Variants in PPM1H observed in about 807,000 individuals in gnomAD.
The protein encoded by PPM1H is protein phosphatase 1H.
Under a neutral mutation model 54.9 loss-of-function variants are expected in PPM1H, and 27 were observed. The ratio of observed to expected loss-of-function variants is 0.49; its 90% CI spans 0.36 to 0.68. The LOEUF is 0.68. Among genes scored for constraint, PPM1H ranks in the 30% least tolerant of loss-of-function variants. The probability of loss-of-function intolerance (pLI) is 0.00; values close to 1 mark genes in which losing one functional copy is unlikely to be tolerated. For missense variants in PPM1H, 596 were observed against 667.8 expected, an observed-to-expected ratio of 0.89 and a Z score of 1.19; for synonymous variants, 305 against 270.8, an observed-to-expected ratio of 1.13 and a Z score of -1.24.
At chr12:62,805,759 CT>C (rs1390530499) in intron 2 of PPM1H, among the ~76,000 whole-genome samples, 1 of 152,120 alleles carries the variant, frequency 6.6e-6, no homozygotes, top group Non-Finnish European at 1.5e-5. Flanking sequence ...TGAGTAAGTT[CT>C]GGGGATCGAA....
chr12:62,900,964 T>G (rs895843188), intron 1 of PPM1H, among the ~76,000 whole-genome samples: 4 of 152,170 alleles, frequency 2.6e-5, no homozygotes, highest in Non-Finnish European at 4.4e-5. Context: ...ACATCTGAGA[T>G]CTCACCCTCT....
chr12:62,910,878 C>T (rs1221249851), intron 1 of PPM1H, among the ~76,000 whole-genome samples: 1 of 152,176 alleles, frequency 6.6e-6, no homozygotes, highest in Non-Finnish European at 1.5e-5. Context: ...GTTCAGAATA[C>T]AAAGTACTCA....
At position 62,694,022 on chromosome 12, in the gene PPM1H, T is replaced by A. The variant is rs751210705; in HGVS notation, c.1074-23A>T. 6 of 1,601,740 alleles carry A rather than the reference T, an allele frequency of 3.7e-6. No homozygotes were observed. In the South Asian group the frequency reaches 5.6e-5, roughly 15 times the overall value. ...GCCCTGTAGGGGATAAACAACATTT[T>A]AAAAAAGGTTTGCACTCAATTAGTG... On this transcript the variant is annotated intron_variant, in intron 6 of 9. Transcript: ENST00000228705.
intron 4 of PPM1H, among the ~76,000 whole-genome samples, chr12:62,786,152 TCTTA>T (rs1287788553): frequency 6.6e-6 from 1 of 152,198 alleles, no homozygotes; most frequent in Non-Finnish European, 1.5e-5. Context: ...ATCCACTCGG[TCTTA>T]CTCAATTGGA....
intron 6 of PPM1H, among the ~76,000 whole-genome samples, chr12:62,712,808 A>T (rs1192650305): frequency 6.6e-6 from 1 of 152,156 alleles, no homozygotes; most frequent in African/African-American, 2.4e-5. Flanking sequence ...ATCCGTGGAA[A>T]AGCTAATGAG....
intron 4 of PPM1H, among the ~76,000 whole-genome samples, chr12:62,786,345 G>C (rs947742985): frequency 2.0e-5 from 3 of 152,220 alleles, no homozygotes; most frequent in Non-Finnish European, 4.4e-5. Flanking sequence ...GAGGAAAGGA[G>C]GGGTAGCAGA....
At chr12:62,695,285 A>G (rs1051729428) in intron 6 of PPM1H, among the ~76,000 whole-genome samples, 1 of 152,222 alleles carries the variant, frequency 6.6e-6, no homozygotes, top group Non-Finnish European at 1.5e-5. Context: ...GCTGGAGTTC[A>G]GCAATGCCTT....
At chr12:62,700,639 G>A (rs938700603) in intron 6 of PPM1H, among the ~76,000 whole-genome samples, 2 of 152,118 alleles carry the variant, frequency 1.3e-5, no homozygotes, top group African/African-American at 4.8e-5. Flanking sequence ...TTATTGGGAC[G>A]GATCCATCAG....
At chr12:62,683,684 G>A (rs1362596460) in intron 8 of PPM1H, among the ~76,000 whole-genome samples, 8 of 152,224 alleles carry the variant, frequency 5.3e-5, no homozygotes, top group Non-Finnish European at 8.8e-5. Flanking sequence ...AGCAGGGGCG[G>A]AAAGGGGGCT....
rs562458186 is a variant in PPM1H at position 62,707,946 on chromosome 12, G to A, written c.1073+12225C>T. 3.3e-5 allele frequency among the ~76,000 whole-genome samples: 5 copies of A among 152,300 alleles called. No individual in the cohort carries two copies. The South Asian group carries it at 1.0e-3, about 32-fold the overall frequency. On this transcript the variant is annotated intron_variant, in intron 6 of 9. Transcript: ENST00000228705. ...GACTGACAAGGCTGATCCCATCTCA[G>A]CAGAATCTGAACCTGGAATATGGCA...
At chr12:62,902,508 G>C (rs1270406094) in intron 1 of PPM1H, among the ~76,000 whole-genome samples, 2 of 152,148 alleles carry the variant, frequency 1.3e-5, no homozygotes, top group Non-Finnish European at 2.9e-5. Flanking sequence ...CAAAGCTCTG[G>C]ATCCCAGGAC....
chr12:62,775,676 G>A lies in PPM1H; in HGVS notation c.869+12550C>T, dbSNP rs201492623. ...TTATTATAAGAGTCAAGCAAGAGAG[G>A]AGAGTTCAAGCTCAGACCTCATGGC... On this transcript the variant is annotated intron_variant, in intron 4 of 9. Coordinates refer to ENST00000228705, the MANE Select transcript of PPM1H (RefSeq NM_020700.2). 6.6e-5 allele frequency among the ~76,000 whole-genome samples: 10 copies of A among 152,222 alleles called. No homozygotes were observed. In the East Asian group the frequency reaches 1.3e-3, roughly 21 times the overall value.
intron 8 of PPM1H, among the ~76,000 whole-genome samples, chr12:62,680,331 CTTTCTG>C (rs1331699377): frequency 7.3e-6 from 1 of 136,900 alleles, no homozygotes; most frequent in Admixed American, 8.1e-5. Context: ...CTCTCTCTTT[CTTTCTG>C]TTTCTTTCTT....
At chr12:62,869,634 G>A (rs1376564265) in intron 1 of PPM1H, among the ~76,000 whole-genome samples, 3 of 152,120 alleles carry the variant, frequency 2.0e-5, no homozygotes, top group African/African-American at 7.2e-5. Flanking sequence ...TAAAACAGGA[G>A]CATGACAACA....
chr12:62,807,920 C>T (rs749229251), intron 2 of PPM1H, among the ~76,000 whole-genome samples: 5 of 152,232 alleles, frequency 3.3e-5, no homozygotes, highest in African/African-American at 4.8e-5. Flanking sequence ...TTACTGAAGC[C>T]TCAACCTCCC....
intron 9 of PPM1H, among the ~76,000 whole-genome samples, chr12:62,658,182 A>ATTTTT (rs1173229360): frequency 0.036 from 3,159 of 87,350 alleles, 198 homozygotes; most frequent in Non-Finnish European, 0.054. Context: ...AACACGGTGA[A>ATTTTT]TTTTTTTTTT....
At chr12:62,887,225 G>C (rs775494992) in intron 1 of PPM1H, among the ~76,000 whole-genome samples, 8 of 152,230 alleles carry the variant, frequency 5.3e-5, no homozygotes, top group Non-Finnish European at 7.3e-5. Context: ...GGTAAGAGAA[G>C]TGGTCACAGA....
At chr12:62,718,076 T>A (rs1214010792) in intron 6 of PPM1H, among the ~76,000 whole-genome samples, 2 of 152,208 alleles carry the variant, frequency 1.3e-5, no homozygotes, top group Non-Finnish European at 2.9e-5. Flanking sequence ...AACATTGATC[T>A]CCCCACTTCT....
At chr12:62,683,595 A>G (rs2076035363) in intron 8 of PPM1H, among the ~76,000 whole-genome samples, 1 of 152,220 alleles carries the variant, frequency 6.6e-6, no homozygotes, top group African/African-American at 2.4e-5. Context: ...GAGTTATAAA[A>G]AATACCTGAT....
Sources: allele counts gnomAD v4.1 joint callset (sites outside exome capture counted in the v4.1 genomes callset), GRCh38; gene constraint gnomAD v4.1.1; transcripts MANE v1.5; gene names NCBI Gene and HGNC (gene_info 2026-07-23, HGNC 2026-07-21).